The following TLN2 variants were observed in gnomAD, a reference collection of about 807,000 sequenced individuals.
TLN2 encodes talin 2.
TLN2 carries 118 observed loss-of-function variants against 294.7 expected under a neutral mutation model. The observed-to-expected ratio is 0.40, with a 90% CI of 0.34 to 0.47. TLN2 has a LOEUF of 0.47. TLN2 is among the 20% of genes least tolerant of loss of function. The pLI is 0.84. For missense variants in TLN2, 3,083 were observed against 3,282.2 expected (o/e 0.94, Z 1.48); for synonymous variants, 1,431 against 1,304.5 (o/e 1.10, Z -2.09).
rs1046469012 is a variant in TLN2 at position 62,653,274 on chromosome 15, A to G, written c.477A>G (p.Lys159=). 6.2e-7 allele frequency: 1 copy of G among 1,613,852 alleles called. No homozygotes were observed. The highest frequency in any genetic ancestry group is 8.5e-7 in the Non-Finnish European group (1 of 1,179,960). Residue 159 remains lysine (K), a synonymous_variant, in exon 7 of 59, where the codon AAA becomes AAG. Transcript: ENST00000636159. ...GGACACTGTTACGAGATGAGAGGAAAATGGAGAAGTTGAAGGCCAAGCTGC... is the reference window on the plus strand; with the variant it reads ...GGACACTGTTACGAGATGAGAGGAAGATGGAGAAGTTGAAGGCCAAGCTGC... ...KDRTLLRDER[K]MEKLKAKLHT...
At chr15:62,716,206 A>G (rs1008483316) in intron 22 of TLN2, 125 bp from the exon 23 acceptor site, 17 of 1,165,306 alleles carry the variant, frequency 1.5e-5, no homozygotes, top group Non-Finnish European at 1.9e-5. Context: ...TCATAAAGAT[A>G]TTGCTTGTGG....
intron 1 of TLN2, among the ~76,000 whole-genome samples, chr15:62,557,913 T>C (rs1440508865): frequency 6.6e-6 from 1 of 152,204 alleles, no homozygotes; most frequent in Non-Finnish European, 1.5e-5. Context: ...TACCTTTAAA[T>C]GAAAGGTTTT....
Position 62,599,789 on chromosome 15 carries a change from G to T in TLN2, c.-162+10027G>T, listed in dbSNP as rs182796271. ...CTTCCCTTTGGAGAGGTTGTTGCCGGCACAGAGGGTGAGCTGTGTGAACGT... is the reference window on the plus strand; with the variant it reads ...CTTCCCTTTGGAGAGGTTGTTGCCGTCACAGAGGGTGAGCTGTGTGAACGT... On this transcript the variant is annotated intron_variant, in intron 2 of 58. Transcript: ENST00000636159. Among the ~76,000 whole-genome samples, 4 of 152,310 alleles carry T rather than the reference G, an allele frequency of 2.6e-5. No individual in the cohort carries two copies. The East Asian group carries it at 7.7e-4, about 29-fold the overall frequency.
chr15:62,676,650 T>C (rs1302061992), intron 11 of TLN2, among the ~76,000 whole-genome samples: 1 of 152,230 alleles, frequency 6.6e-6, no homozygotes, highest in East Asian at 1.9e-4. Flanking sequence ...AGTCTCACTC[T>C]GTCGCCCAGG....
At chr15:62,648,590 C>T (rs1434131356) in intron 4 of TLN2, among the ~76,000 whole-genome samples, 3 of 141,548 alleles carry the variant, frequency 2.1e-5, no homozygotes, top group Admixed American at 1.4e-4. Flanking sequence ...TCTTGTTGCC[C>T]AGGCTGGAGG....
intron 1 of TLN2, among the ~76,000 whole-genome samples, chr15:62,563,113 T>A (rs367675252): frequency 1.1e-4 from 17 of 152,192 alleles, no homozygotes; most frequent in African/African-American, 4.1e-4. Context: ...AGATACCCAG[T>A]AGTGGGATTG....
chr15:62,730,712 A>G (rs995841786), intron 28 of TLN2, among the ~76,000 whole-genome samples: 1 of 152,178 alleles, frequency 6.6e-6, no homozygotes, highest in African/African-American at 2.4e-5. Flanking sequence ...TTGTGAAGCT[A>G]TGAAGGTAAT....
rs992919664 is a variant in TLN2 at position 62,747,970 on chromosome 15, T to A, written c.4026-381T>A. 5.3e-5 allele frequency among the ~76,000 whole-genome samples: 8 copies of A among 152,248 alleles called. No individual in the cohort carries two copies. The East Asian group carries it at 1.5e-3, about 29-fold the overall frequency. ...GGCAGCGGAGGAGGAGGGGTTCATCTTGCTGTCTGAGAGGTGGCAGAGGTG... is the reference window on the plus strand; with the variant it reads ...GGCAGCGGAGGAGGAGGGGTTCATCATGCTGTCTGAGAGGTGGCAGAGGTG... On this transcript the variant is annotated intron_variant, in intron 32 of 58. Transcript: ENST00000636159.
intron 32 of TLN2, among the ~76,000 whole-genome samples, chr15:62,742,024 G>GGGGTGTGTGTGT (rs1555495837): frequency 1.2e-5 from 1 of 82,222 alleles, no homozygotes; most frequent in African/African-American, 4.4e-5. Context: ...CTTGTAGTGG[G>GGGGTGTGTGTGT]GTGTGTGTGT....
At chr15:62,616,980 T>A (rs1220416907) in intron 2 of TLN2, among the ~76,000 whole-genome samples, 7 of 152,112 alleles carry the variant, frequency 4.6e-5, no homozygotes, top group African/African-American at 1.7e-4. Flanking sequence ...GGTGTCTGCA[T>A]GCGTGTCTTC....
At position 62,541,913 on chromosome 15, in the gene TLN2, C is replaced by T. The variant is rs542170460; in HGVS notation, c.-237-47774C>T. Among the ~76,000 whole-genome samples, 12 of 151,510 alleles carry T rather than the reference C, an allele frequency of 7.9e-5. No homozygotes were observed. In the East Asian group the frequency reaches 1.9e-3, roughly 24 times the overall value. On this transcript the variant is annotated intron_variant, in intron 1 of 58. Transcript: ENST00000636159. ...TTTATGTATTTATTTTTGGCTACTC[C>T]AGCTGCTTTGCTATATTGTGGATTA...
intron 1 of TLN2, among the ~76,000 whole-genome samples, chr15:62,418,460 A>G (rs561830286): frequency 2.0e-4 from 30 of 152,322 alleles, no homozygotes; most frequent in African/African-American, 6.5e-4. Flanking sequence ...CAGAATGGTT[A>G]TTGAACACTT....
At chr15:62,673,322 T>TTTTTTTTTTTTTTTTTTTC (rs1555465070) in intron 9 of TLN2, among the ~76,000 whole-genome samples, 1 of 140,126 alleles carries the variant, frequency 7.1e-6, no homozygotes, top group African/African-American at 2.7e-5. Context: ...TTTTTTTTTT[T>TTTTTTTTTTTTTTTTTTTC]TTTTTTGCAA....
intron 26 of TLN2, 68 bp downstream of exon 26, chr15:62,722,555 G>A: frequency 6.6e-7 from 1 of 1,519,394 alleles, no homozygotes. Context: ...GTACCACCCA[G>A]GGCCTGAACA....
intron 2 of TLN2, among the ~76,000 whole-genome samples, chr15:62,590,431 T>A (rs1170987284): frequency 6.6e-6 from 1 of 152,178 alleles, no homozygotes; most frequent in African/African-American, 2.4e-5. Context: ...GGTTTTCTGT[T>A]CCTGTATTAG....
intron 1 of TLN2, among the ~76,000 whole-genome samples, chr15:62,451,147 G>T (rs2036121107): frequency 6.6e-6 from 1 of 152,026 alleles, no homozygotes; most frequent in African/African-American, 2.4e-5. Context: ...AGATTCCTGG[G>T]CACTACTGCA....
At chr15:62,413,980 T>C (rs2033927545) in intron 1 of TLN2, among the ~76,000 whole-genome samples, 1 of 103,216 alleles carries the variant, frequency 9.7e-6, no homozygotes, top group South Asian at 5.1e-4. Flanking sequence ...GGTAAATGAT[T>C]GGAGCCATCT....
intron 4 of TLN2, 120 bp from the exon 5 acceptor site, chr15:62,649,964 T>C (rs1308406355): frequency 2.3e-5 from 22 of 936,768 alleles, no homozygotes; most frequent in Non-Finnish European, 3.0e-5. Flanking sequence ...AAACGAAACA[T>C]TGCTGTCTGG....
At chr15:62,494,010 A>T (rs1294637954) in intron 1 of TLN2, among the ~76,000 whole-genome samples, 1 of 151,564 alleles carries the variant, frequency 6.6e-6, no homozygotes, top group East Asian at 1.9e-4. Flanking sequence ...TATGGATACC[A>T]CCCCCCTTTG....
Sources: allele counts gnomAD v4.1 joint callset (sites outside exome capture counted in the v4.1 genomes callset), GRCh38; gene constraint gnomAD v4.1.1; transcripts MANE v1.5; gene names NCBI Gene and HGNC (gene_info 2026-07-23, HGNC 2026-07-21).